Variants in MACROD2 observed in about 807,000 individuals in gnomAD.
MACROD2 encodes the protein ADP-ribose glycohydrolase MACROD2.
Under a neutral mutation model 70.4 loss-of-function variants are expected in MACROD2, and 36 were observed. The observed-to-expected ratio is 0.51, with a 90% CI of 0.39 to 0.68. The LOEUF is 0.68. Ranked by LOEUF, MACROD2 falls within the 30% of genes least tolerant of loss-of-function variation. The pLI is 0.00. For missense variants in MACROD2, 496 were observed against 538.4 expected, an observed-to-expected ratio of 0.92 and a Z score of 0.78; for synonymous variants, 172 against 178.8, an observed-to-expected ratio of 0.96 and a Z score of 0.30.
rs367908011 is a variant in MACROD2 at position 14,326,305 on chromosome 20, T to A, written c.272-167174T>A. 11 of 1,613,800 alleles carry A rather than the reference T, an allele frequency of 6.8e-6. No individual in the cohort carries two copies. Among genetic ancestry groups the A allele is most frequent in the Non-Finnish European group, 1.7e-6 (2 of 1,179,880 alleles). ...TTTTCTTGAGGGACTCCCTGTGGTT[T>A]GGTGATCCTTAGTGAGCTTGGGGTT... On this transcript the variant is annotated intron_variant, in intron 3 of 17. Transcript: ENST00000684519. The surrounding 1 kb of genome is among the most constrained non-coding windows in gnomAD (Gnocchi z 5.5).
At position 15,428,383 on chromosome 20, in the gene MACROD2, G is replaced by A. The variant is rs1228541738; in HGVS notation, c.541-3022G>A. Reference sequence around the variant, plus strand: ...CAAAAATGTGCCCCTCTGGCACATTGACTATTTTGAGTCAAAGGCACGTAA... The same window carrying A: ...CAAAAATGTGCCCCTCTGGCACATTAACTATTTTGAGTCAAAGGCACGTAA... On this transcript the variant is annotated intron_variant, in intron 6 of 17. Transcript: ENST00000684519. Among the ~76,000 whole-genome samples the A allele has an allele frequency of 2.0e-5, 3 of 152,112 alleles. No homozygotes were observed. In the East Asian group the frequency reaches 5.8e-4, roughly 29 times the overall value.
intron 8 of MACROD2, among the ~76,000 whole-genome samples, chr20:15,790,849 C>T (rs1365035975): frequency 6.6e-6 from 1 of 151,760 alleles, no homozygotes; most frequent in Non-Finnish European, 1.5e-5. Context: ...AAATCATTAG[C>T]TTTGATTCTT....
intron 3 of MACROD2, among the ~76,000 whole-genome samples, chr20:14,439,333 G>A (rs2084094561): frequency 6.6e-6 from 1 of 152,036 alleles, no homozygotes. Context: ...GCAGTGTGAT[G>A]CCTCTAACCG....
intron 4 of MACROD2, among the ~76,000 whole-genome samples, chr20:14,555,668 GC>G (rs1342821915): frequency 6.6e-6 from 1 of 152,016 alleles, no homozygotes; most frequent in Non-Finnish European, 1.5e-5. Context: ...AGCACATCCA[GC>G]CAGCATTCCA....
chr20:14,278,961 T>A (rs1420685447), intron 3 of MACROD2, among the ~76,000 whole-genome samples: 14 of 151,952 alleles, frequency 9.2e-5, no homozygotes, highest in Admixed American at 9.2e-4. Context: ...TAATACAGAG[T>A]TTTTGTCATA....
intron 6 of MACROD2, among the ~76,000 whole-genome samples, chr20:15,415,265 G>T (rs2046130864): frequency 6.6e-6 from 1 of 152,202 alleles, no homozygotes; most frequent in South Asian, 2.1e-4. Flanking sequence ...ATTTTGTAGG[G>T]TGGGGAAATT....
chr20:15,833,649 C>T (rs2064081866), intron 8 of MACROD2, among the ~76,000 whole-genome samples: 2 of 152,142 alleles, frequency 1.3e-5, no homozygotes, highest in South Asian at 4.2e-4. Context: ...GAAAGATATT[C>T]TTAAAACAGG....
At chr20:15,144,838 A>G (rs2076218853) in intron 5 of MACROD2, among the ~76,000 whole-genome samples, 1 of 152,190 alleles carries the variant, frequency 6.6e-6, no homozygotes, top group Non-Finnish European at 1.5e-5. Flanking sequence ...GTGGTTCTAT[A>G]TTCTGTTCTA....
chr20:15,846,213 G>A (rs1228738900), intron 8 of MACROD2, among the ~76,000 whole-genome samples: 1 of 152,160 alleles, frequency 6.6e-6, no homozygotes, highest in Admixed American at 6.5e-5. Context: ...AACTTCTCAG[G>A]CTATCCTCCA....
chr20:14,837,432 T>C (rs1478352105), intron 5 of MACROD2, among the ~76,000 whole-genome samples: 1 of 152,024 alleles, frequency 6.6e-6, no homozygotes, highest in African/African-American at 2.4e-5. Context: ...AACTCAACAT[T>C]TTAGTGTTCT....
rs149188519 is a variant in MACROD2 at position 14,876,820 on chromosome 20, A to G, written c.418+191861A>G. The stretch of plus-strand genomic sequence containing the variant: ...GTTGTCTGTTTTGTTTCACTGGCCT[A>G]TGCATCTGTTTTTGTACCAGTACCA... On this transcript the variant is annotated intron_variant, in intron 5 of 17. Transcript: ENST00000684519. 2.0e-4 allele frequency among the ~76,000 whole-genome samples: 31 copies of G among 152,154 alleles called. No individual in the cohort carries two copies. The East Asian group carries it at 4.1e-3, about 20-fold the overall frequency.
chr20:15,636,089 A>AAAAAAAAAAAAAAAAG (rs1459679844), intron 8 of MACROD2, among the ~76,000 whole-genome samples: 42 of 134,930 alleles, frequency 3.1e-4, no homozygotes, highest in East Asian at 2.0e-3. Context: ...AAAAAAAAAA[A>AAAAAAAAAAAAAAAAG]AAAGAAAGAA....
intron 4 of MACROD2, among the ~76,000 whole-genome samples, chr20:14,645,683 T>C (rs532648153): frequency 1.6e-4 from 24 of 152,202 alleles, no homozygotes; most frequent in African/African-American, 5.8e-4. Flanking sequence ...ATTTTCATGG[T>C]ACATTATTTA....
chr20:14,935,623 T>G (rs891984525), intron 5 of MACROD2, among the ~76,000 whole-genome samples: 11 of 152,148 alleles, frequency 7.2e-5, no homozygotes, highest in African/African-American at 2.7e-4. Context: ...TTTGGGAGTG[T>G]AGACTGGAAT....
intron 3 of MACROD2, among the ~76,000 whole-genome samples, chr20:14,227,251 G>T (rs2081746785): frequency 6.6e-6 from 1 of 152,170 alleles, no homozygotes; most frequent in African/African-American, 2.4e-5. Flanking sequence ...GGTGGGGCCA[G>T]ATAAGAGAAT....
At chr20:15,127,041 C>A (rs1601109002) in intron 5 of MACROD2, among the ~76,000 whole-genome samples, 1 of 152,048 alleles carries the variant, frequency 6.6e-6, no homozygotes. Context: ...ATTATGTACA[C>A]CTAGGGCAGA....
chr20:14,459,792 G>C (rs1048687829), intron 3 of MACROD2, among the ~76,000 whole-genome samples: 11 of 152,080 alleles, frequency 7.2e-5, no homozygotes, highest in African/African-American at 2.7e-4. Flanking sequence ...TTGTTACATA[G>C]GTATCCACAT....
At position 14,503,684 on chromosome 20, in the gene MACROD2, A is replaced by G. The variant is rs556296162; in HGVS notation, c.301+10176A>G. Among the ~76,000 whole-genome samples, 10 of 152,342 alleles carry G rather than the reference A, an allele frequency of 6.6e-5. No homozygotes were observed. In the East Asian group the frequency reaches 1.9e-3, roughly 29 times the overall value. On this transcript the variant is annotated intron_variant, in intron 4 of 17. Coordinates refer to ENST00000684519, the MANE Select transcript of MACROD2 (RefSeq NM_001351661.2). Reference sequence around the variant, plus strand: ...TCTGACCAACAAAAAGCTCTCAGAAATAGCCATGAGGGGCACAAAGCCCTC... The same window carrying G: ...TCTGACCAACAAAAAGCTCTCAGAAGTAGCCATGAGGGGCACAAAGCCCTC...
intron 8 of MACROD2, among the ~76,000 whole-genome samples, chr20:15,553,332 C>T (rs553636957): frequency 6.6e-6 from 1 of 152,142 alleles, no homozygotes; most frequent in South Asian, 2.1e-4. Context: ...TAGAGGAAGT[C>T]CCATTACTGC....
Sources: allele counts gnomAD v4.1 joint callset (sites outside exome capture counted in the v4.1 genomes callset), GRCh38; gene constraint gnomAD v4.1.1; non-coding constraint Gnocchi (gnomAD v3.1); transcripts MANE v1.5; gene names NCBI Gene and HGNC (gene_info 2026-07-23, HGNC 2026-07-21).